TGFBRAP1: variants seen among roughly 807,000 people sequenced by gnomAD.
TGFBRAP1 encodes the protein transforming growth factor-beta receptor-associated protein 1.
A neutral mutation model predicts 83.2 loss-of-function variants in TGFBRAP1; 20 were observed. The observed-to-expected ratio is 0.24, with a 90% CI of 0.17 to 0.35. The LOEUF (loss-of-function observed/expected upper bound fraction) is 0.35, where lower values mean the gene tolerates loss of function less well. Among genes scored for constraint, TGFBRAP1 ranks in the 10% least tolerant of loss-of-function variants. TGFBRAP1 has a pLI of 1.00. For missense variants in TGFBRAP1, 950 were observed against 1,099.4 expected, an observed-to-expected ratio of 0.86 and a Z score of 1.92; for synonymous variants, 415 against 459.8, an observed-to-expected ratio of 0.90 and a Z score of 1.25.
At chr2:105,294,448 C>A (rs1678015972) in intron 4 of TGFBRAP1, among the ~76,000 whole-genome samples, 1 of 151,824 alleles carries the variant, frequency 6.6e-6, no homozygotes. Flanking sequence ...GGACTCGGTC[C>A]GTAATGGAAA....
the TGFBRAP1 span, among the ~76,000 whole-genome samples, chr2:105,259,192 A>G: frequency 6.6e-6 from 1 of 152,220 alleles, no homozygotes; most frequent in Non-Finnish European, 1.5e-5. Flanking sequence ...ATGTTAGGAA[A>G]TCTACAGCAT....
intron 6 of TGFBRAP1, among the ~76,000 whole-genome samples, chr2:105,278,143 G>A (rs560123222): frequency 6.8e-4 from 102 of 150,642 alleles, no homozygotes; most frequent in African/African-American, 2.4e-3. Context: ...AACAACCAAA[G>A]GATTCTCATT....
At position 105,264,939 on chromosome 2, in the gene TGFBRAP1, G is replaced by C. The variant is rs1028808117; in HGVS notation, c.*2444C>G. On this transcript the variant is annotated 3_prime_UTR_variant, in exon 12 of 12. Transcript: ENST00000393359. ...CAGTTACAAATCAGCAGGCCTGTGAGAAAGAACCATACATTTCTCTCAGAA... is the reference window on the plus strand; with the variant it reads ...CAGTTACAAATCAGCAGGCCTGTGACAAAGAACCATACATTTCTCTCAGAA... 5 of 152,246 alleles carry C rather than the reference G, an allele frequency of 3.3e-5. No individual in the cohort carries two copies. The highest frequency in any genetic ancestry group is 1.2e-4 in the African/African-American group (5 of 41,470). The allele number at this position is 152,246 out of a possible 1,614,324, so 9.4% of individuals were successfully genotyped here.
At chr2:105,308,708 A>G (rs13429686) in intron 1 of TGFBRAP1, among the ~76,000 whole-genome samples, 21,321 of 152,004 alleles carry the variant, frequency 0.14, 1,648 homozygotes, top group African/African-American at 0.19. Flanking sequence ...AGGCAGGAGG[A>G]TGGCTTGACC....
intron 5 of TGFBRAP1, among the ~76,000 whole-genome samples, chr2:105,282,164 C>G (rs952057408): frequency 2.6e-5 from 4 of 152,220 alleles, no homozygotes; most frequent in African/African-American, 4.8e-5. Context: ...AGGCACACAT[C>G]CAGTTTCCAA....
At chr2:105,252,549 C>T in the TGFBRAP1 span, among the ~76,000 whole-genome samples, 2 of 152,130 alleles carry the variant, frequency 1.3e-5, no homozygotes, top group South Asian at 2.1e-4. Context: ...AGATGGGGCC[C>T]CTGGCTGCTT....
chr2:105,320,352 A>AAAT (rs1679018912), intron 1 of TGFBRAP1, among the ~76,000 whole-genome samples: 1 of 152,212 alleles, frequency 6.6e-6, no homozygotes, highest in Non-Finnish European at 1.5e-5. Flanking sequence ...AAAAGGACAC[A>AAAT]CTACCTCAAG....
intron 4 of TGFBRAP1, among the ~76,000 whole-genome samples, chr2:105,289,147 A>C (rs1474331762): frequency 6.6e-6 from 1 of 152,152 alleles, no homozygotes; most frequent in Non-Finnish European, 1.5e-5. Flanking sequence ...GAAGGGACGC[A>C]GCGAGGTGGT....
chr2:105,316,057 A>C (rs1365247064), intron 1 of TGFBRAP1, among the ~76,000 whole-genome samples: 1 of 152,240 alleles, frequency 6.6e-6, no homozygotes, highest in Admixed American at 6.5e-5. Context: ...GATGACCCTC[A>C]AAAACACTGA....
chr2:105,254,018 T>C, the TGFBRAP1 span, among the ~76,000 whole-genome samples: 3 of 152,152 alleles, frequency 2.0e-5, no homozygotes, highest in African/African-American at 7.2e-5. Flanking sequence ...TGTGGTGATA[T>C]GCCTCTGATA....
intron 7 of TGFBRAP1, 33 bp from the exon 8 acceptor site, chr2:105,275,736 G>A (rs377714518): frequency 1.9e-6 from 3 of 1,577,758 alleles, no homozygotes; most frequent in Non-Finnish European, 1.7e-6. Flanking sequence ...AAAAGAAAAA[G>A]AAAAGAAAAA....
intron 3 of TGFBRAP1, 57 bp downstream of exon 3, chr2:105,298,454 A>C (rs199570919): frequency 6.7e-7 from 1 of 1,502,096 alleles, no homozygotes; most frequent in East Asian, 2.3e-5. Context: ...TATTTACCGA[A>C]GAAATATCAT....
chr2:105,299,871 C>T (rs7578730), intron 2 of TGFBRAP1, among the ~76,000 whole-genome samples: 1,660 of 152,202 alleles, frequency 0.011, 11 homozygotes, highest in South Asian at 0.021. Context: ...GGAGAAGCCT[C>T]GAAGCCCCAC....
intron 10 of TGFBRAP1, among the ~76,000 whole-genome samples, chr2:105,270,383 T>C (rs1431530546): frequency 1.3e-5 from 2 of 152,142 alleles, no homozygotes; most frequent in African/African-American, 4.8e-5. Context: ...CAAAGTCACC[T>C]TGCTTCCTAC....
At position 105,269,322 on chromosome 2, in the gene TGFBRAP1, C is replaced by T; in HGVS notation, c.2356G>A (p.Val786Met). The T allele has an allele frequency of 1.2e-6, 2 of 1,613,480 alleles. No individual in the cohort carries two copies. Among genetic ancestry groups the T allele is most frequent in the South Asian group, 2.2e-5 (2 of 91,036 alleles). The change falls in exon 11 of 12, where the codon GTG becomes ATG. Residue 786 changes from valine (V) to methionine (M), a missense_variant. By Grantham distance (21) the Val-to-Met change is conservative (BLOSUM62 1). Coordinates refer to ENST00000393359, the MANE Select transcript of TGFBRAP1 (RefSeq NM_004257.6). The surrounding 1 kb of genome is among the most constrained non-coding windows in gnomAD (Gnocchi z 4.1). ...TCGGACCTGGCCAGGCCGAGAGCCA[C>T]CTGCATGGTCCTCCTGGCATGGATG... The part of the protein sequence containing the change: ...DSIHARRTMQ[V>M]ALGLARSENL...
chr2:105,268,085 C>T (rs1677004963), intron 11 of TGFBRAP1, among the ~76,000 whole-genome samples: 1 of 152,178 alleles, frequency 6.6e-6, no homozygotes, highest in African/African-American at 2.4e-5. Context: ...TTAATGCCAT[C>T]GGTCCCTGTC....
chr2:105,303,752 C>T (rs1397624488), intron 2 of TGFBRAP1, among the ~76,000 whole-genome samples: 1 of 152,078 alleles, frequency 6.6e-6, no homozygotes, highest in Non-Finnish European at 1.5e-5. Flanking sequence ...GTCTTGCCTC[C>T]CCACAAAACA....
At chr2:105,324,479 C>G (rs1367457214) in intron 1 of TGFBRAP1, among the ~76,000 whole-genome samples, 1 of 152,144 alleles carries the variant, frequency 6.6e-6, no homozygotes, top group Non-Finnish European at 1.5e-5. Context: ...TCAGTCCAGC[C>G]CAGGACTGCG....
intron 10 of TGFBRAP1, 130 bp downstream of exon 10, chr2:105,272,725 A>T: frequency 2.4e-6 from 3 of 1,238,544 alleles, no homozygotes; most frequent in Non-Finnish European, 3.3e-6. Context: ...AAATCTTTTT[A>T]AAAAAAGAGG....
Sources: allele counts gnomAD v4.1 joint callset (sites outside exome capture counted in the v4.1 genomes callset), GRCh38; gene constraint gnomAD v4.1.1; non-coding constraint Gnocchi (gnomAD v3.1); transcripts MANE v1.5; gene names NCBI Gene and HGNC (gene_info 2026-07-23, HGNC 2026-07-21).